Variants in FRY observed in about 807,000 individuals in gnomAD.
FRY encodes the protein FRY microtubule binding protein, also known as protein furry homolog.
A neutral mutation model predicts 348.4 loss-of-function variants in FRY; 128 were observed. That is an observed-to-expected ratio of 0.37 (90% CI 0.32 to 0.43). FRY has a LOEUF of 0.43. Among genes scored for constraint, FRY ranks in the 20% least tolerant of loss-of-function variants. The pLI is 1.00. For synonymous variants in FRY, 1,370 were observed against 1,374.7 expected, an observed-to-expected ratio of 1.00 and a Z score of 0.08; for missense variants, 2,736 against 3,695.2, an observed-to-expected ratio of 0.74 and a Z score of 6.73.
At chr13:32,230,069 C>A (rs1410813684) in intron 40 of FRY, among the ~76,000 whole-genome samples, 1 of 151,966 alleles carries the variant, frequency 6.6e-6, no homozygotes, top group Non-Finnish European at 1.5e-5. Context: ...TTTTTTAACT[C>A]ACATTTTAAG....
chr13:32,117,564 T>C (rs1407155864), intron 4 of FRY, 91 bp downstream of exon 4: 2 of 1,295,232 alleles, frequency 1.5e-6, no homozygotes, highest in Non-Finnish European at 2.2e-6. Flanking sequence ...CAATTGGGTC[T>C]TCCTGACTCT....
chr13:32,119,277 G>T (rs1878500434), intron 4 of FRY, among the ~76,000 whole-genome samples: 2 of 152,274 alleles, frequency 1.3e-5, no homozygotes, highest in African/African-American at 4.8e-5. Flanking sequence ...CTTTAAGGAG[G>T]AGCATAAACT....
At chr13:32,132,010 A>T (rs138785817) in intron 8 of FRY, among the ~76,000 whole-genome samples, 170 bp downstream of exon 8, 28 of 152,216 alleles carry the variant, frequency 1.8e-4, no homozygotes, top group African/African-American at 6.0e-4. Context: ...TTGCGGGCAC[A>T]TAATTTCATT....
In FRY at chr13:32,078,850, CG is replaced by C; in HGVS notation, c.89del (p.Gly30ValfsTer65). 1 of 1,613,864 alleles carries C rather than the reference CG, an allele frequency of 6.2e-7. No homozygotes were observed. The highest frequency in any genetic ancestry group is 8.5e-7 in the Non-Finnish European group (1 of 1,179,812). On this transcript the variant is annotated frameshift_variant, in exon 2 of 61. Coordinates refer to ENST00000542859, the MANE Select transcript of FRY (RefSeq NM_023037.3). LOFTEE classifies it high-confidence loss of function. ...SWSNTSPVGN[G>X]YIKPPVPPAS... ...GTTTTTCAGCTTCTCCCGTTGGCAA[CG>C]GTTACATCAAGCCTCCGGTTCCACC...
chr13:32,100,699 A>G (rs989046646), intron 2 of FRY, among the ~76,000 whole-genome samples: 3 of 152,206 alleles, frequency 2.0e-5, no homozygotes, highest in African/African-American at 7.2e-5. Context: ...ATAACAAATT[A>G]CTATAAAATA....
chr13:32,077,891 C>T (rs988908516), intron 1 of FRY, among the ~76,000 whole-genome samples: 6 of 152,192 alleles, frequency 3.9e-5, no homozygotes, highest in Non-Finnish European at 7.3e-5. Context: ...CTATACGCTT[C>T]CTGTTCTCAG....
At chr13:32,179,445 A>C (rs1882564099) in intron 22 of FRY, among the ~76,000 whole-genome samples, 1 of 151,076 alleles carries the variant, frequency 6.6e-6, no homozygotes. Flanking sequence ...GTTATAAAAA[A>C]AATTTCTTTA....
chr13:32,118,319 G>A (rs982921070), intron 4 of FRY, among the ~76,000 whole-genome samples: 1 of 152,056 alleles, frequency 6.6e-6, no homozygotes, highest in Non-Finnish European at 1.5e-5. Context: ...TACTTTTAAA[G>A]TCTGTAAACT....
At chr13:32,079,731 C>CAGGA (rs1271156183) in intron 2 of FRY, among the ~76,000 whole-genome samples, 2 of 152,064 alleles carry the variant, frequency 1.3e-5, no homozygotes, top group African/African-American at 2.4e-5. Context: ...AAAGGACAGT[C>CAGGA]AGGAAGGAAG....
intron 51 of FRY, among the ~76,000 whole-genome samples, chr13:32,259,607 A>G (rs1887522821): frequency 6.6e-6 from 1 of 152,162 alleles, no homozygotes; most frequent in Non-Finnish European, 1.5e-5. Context: ...CAACCCTTCC[A>G]GTCATTTGGC....
intron 2 of FRY, among the ~76,000 whole-genome samples, chr13:32,089,193 G>T (rs1021519595): frequency 7.2e-5 from 11 of 152,138 alleles, no homozygotes; most frequent in African/African-American, 2.6e-4. Context: ...CACAAATTTT[G>T]ATTTCTACGG....
intron 35 of FRY, among the ~76,000 whole-genome samples, chr13:32,216,173 A>G (rs1884979854): frequency 6.6e-6 from 1 of 152,208 alleles, no homozygotes; most frequent in Admixed American, 6.5e-5. Context: ...TTCTTAAGGT[A>G]TGTACCTTTG....
intron 4 of FRY, 96 bp downstream of exon 4, chr13:32,117,569 G>A: frequency 7.8e-7 from 1 of 1,277,614 alleles, no homozygotes; most frequent in Non-Finnish European, 1.1e-6. Flanking sequence ...GGGTCTTCCT[G>A]ACTCTTCACA....
chr13:32,066,386 A>G (rs1021990155), intron 1 of FRY, among the ~76,000 whole-genome samples: 3 of 152,210 alleles, frequency 2.0e-5, no homozygotes, highest in African/African-American at 7.2e-5. Context: ...GTTATACTCC[A>G]AAGTCATTTC....
At position 32,179,755 on chromosome 13, in the gene FRY, G is replaced by A; in HGVS notation, c.2952G>A (p.Glu984=). 6.2e-7 allele frequency: 1 copy of A among 1,613,634 alleles called. No individual in the cohort carries two copies. The highest frequency in any genetic ancestry group is 8.5e-7 in the Non-Finnish European group (1 of 1,179,508). The change falls in exon 23 of 61, where the codon GAG becomes GAA. Residue 984 remains glutamate (E), a synonymous_variant. Transcript: ENST00000542859. ...LMRLESIEIT[E]SLVLGFGRTN... ...GACTAGAGAGCATTGAGATCACAGA[G>A]TCCTTAGTTTTAGGATTTGGAAGAA...
At chr13:32,122,062 A>G (rs1333142793) in intron 4 of FRY, among the ~76,000 whole-genome samples, 1 of 152,128 alleles carries the variant, frequency 6.6e-6, no homozygotes, top group Non-Finnish European at 1.5e-5. Context: ...ATGTTTTTGT[A>G]TGTTTTGTCG....
intron 51 of FRY, among the ~76,000 whole-genome samples, chr13:32,255,807 G>A (rs1887299085): frequency 6.6e-6 from 1 of 152,210 alleles, no homozygotes; most frequent in Non-Finnish European, 1.5e-5. Flanking sequence ...AGAGCTCAGA[G>A]TTCAGCTAGT....
chr13:32,113,516 C>T (rs573278811), intron 3 of FRY, among the ~76,000 whole-genome samples: 1 of 152,256 alleles, frequency 6.6e-6, no homozygotes, highest in African/African-American at 2.4e-5. Flanking sequence ...TCTTCTGTAT[C>T]CCCCCAAAAA....
chr13:32,067,669 A>G (rs1874349173), intron 1 of FRY, among the ~76,000 whole-genome samples: 1 of 152,210 alleles, frequency 6.6e-6, no homozygotes, highest in Admixed American at 6.5e-5. Flanking sequence ...ATAGAATAGT[A>G]GAGGTTGAAA....
Sources: gnomAD v4.1 joint callset for allele counts (sites outside exome capture counted in the v4.1 genomes callset) on GRCh38, gnomAD v4.1.1 for gene constraint, MANE v1.5 for transcripts, NCBI Gene and HGNC (gene_info 2026-07-23, HGNC 2026-07-21) for gene names.